PPP2R2B: variants seen among roughly 807,000 people sequenced by gnomAD.
PPP2R2B encodes serine/threonine-protein phosphatase 2A 55 kDa regulatory subunit B beta isoform.
A neutral mutation model predicts 46.0 loss-of-function variants in PPP2R2B; 5 were observed. That is an observed-to-expected ratio of 0.11 (90% CI 0.06 to 0.23). The LOEUF (loss-of-function observed/expected upper bound fraction) is 0.23. Ranked by LOEUF, PPP2R2B falls within the 10% of genes least tolerant of loss-of-function variation. PPP2R2B has a pLI of 1.00. For missense variants in PPP2R2B, 367 were observed against 575.0 expected, an observed-to-expected ratio of 0.64 and a Z score of 3.70; for synonymous variants, 215 against 206.7, an observed-to-expected ratio of 1.04 and a Z score of -0.34.
chr5:146,986,214 G>C (rs1027369107), intron 1 of PPP2R2B, among the ~76,000 whole-genome samples: 4 of 152,026 alleles, frequency 2.6e-5, no homozygotes, highest in African/African-American at 7.2e-5. Flanking sequence ...TATCAGTTTG[G>C]GAGAGAGAGA....
intron 1 of PPP2R2B, among the ~76,000 whole-genome samples, chr5:146,914,033 A>T (rs1582413979): frequency 1.3e-5 from 2 of 152,334 alleles, no homozygotes; most frequent in South Asian, 4.1e-4. Context: ...TTAACTATGT[A>T]TATATGAAAT....
At chr5:146,617,357 G>A (rs1221577942) in intron 7 of PPP2R2B, among the ~76,000 whole-genome samples, 1 of 152,154 alleles carries the variant, frequency 6.6e-6, no homozygotes, top group African/African-American at 2.4e-5. Context: ...AAATAAAGGA[G>A]TATAACCAGA....
At chr5:146,675,824 C>T (rs1391171495) in intron 5 of PPP2R2B, among the ~76,000 whole-genome samples, 1 of 149,326 alleles carries the variant, frequency 6.7e-6, no homozygotes, top group Non-Finnish European at 1.5e-5. Flanking sequence ...AGTCACTTCT[C>T]TCTCTCTCTC....
chr5:146,625,575 A>G (rs1479577230), intron 7 of PPP2R2B, among the ~76,000 whole-genome samples: 1 of 152,116 alleles, frequency 6.6e-6, no homozygotes, highest in Non-Finnish European at 1.5e-5. Context: ...AGAGGTAATT[A>G]AATGTATGGT....
At chr5:146,820,270 A>T (rs933023122) in intron 2 of PPP2R2B, among the ~76,000 whole-genome samples, 2 of 152,256 alleles carry the variant, frequency 1.3e-5, no homozygotes, top group Admixed American at 1.3e-4. Flanking sequence ...TTTGATTATT[A>T]TACATTGTAT....
At chr5:146,786,145 C>T (rs1755825103) in intron 2 of PPP2R2B, among the ~76,000 whole-genome samples, 1 of 151,854 alleles carries the variant, frequency 6.6e-6, no homozygotes, top group African/African-American at 2.4e-5. Context: ...CACATGTACC[C>T]CATAAATATG....
At chr5:146,833,757 C>T (rs1010753662) in intron 2 of PPP2R2B, among the ~76,000 whole-genome samples, 14 of 151,684 alleles carry the variant, frequency 9.2e-5, no homozygotes, top group Non-Finnish European at 1.5e-4. Flanking sequence ...CATCCTCCTC[C>T]CCCACCCCCA....
intron 2 of PPP2R2B, among the ~76,000 whole-genome samples, chr5:146,789,228 G>C (rs928610765): frequency 4.6e-5 from 7 of 152,102 alleles, no homozygotes; most frequent in Admixed American, 1.3e-4. Context: ...GGGTGGAAAG[G>C]CAAGAGAAAA....
intron 1 of PPP2R2B, among the ~76,000 whole-genome samples, chr5:146,956,029 G>A (rs1461307896): frequency 6.6e-6 from 1 of 151,740 alleles, no homozygotes; most frequent in Non-Finnish European, 1.5e-5. Context: ...CACCTACCTC[G>A]GCTTCCCAAA....
chr5:147,041,555 C>T (rs921591761), intron 1 of PPP2R2B, among the ~76,000 whole-genome samples: 1 of 151,800 alleles, frequency 6.6e-6, no homozygotes. Context: ...TTCAGTGGTG[C>T]CATTTTTTTT....
At chr5:146,646,555 G>A (rs554193527) in intron 6 of PPP2R2B, among the ~76,000 whole-genome samples, 9 of 152,108 alleles carry the variant, frequency 5.9e-5, no homozygotes, top group Non-Finnish European at 1.2e-4. Context: ...GTTATCATGA[G>A]GTTTAGAAAT....
exon 1 of PPP2R2B, chr5:147,055,783 C>A (rs1407685354): frequency 6.4e-7 from 1 of 1,563,516 alleles, no homozygotes. Flanking sequence ...AAAAAACAGT[C>A]TCCTGAATCC....
chr5:146,934,440 A>C (rs182011242), intron 1 of PPP2R2B, among the ~76,000 whole-genome samples: 3,195 of 151,670 alleles, frequency 0.021, 37 homozygotes, highest in Non-Finnish European at 0.032. Flanking sequence ...CAGTGATGAT[A>C]AGCATTTTTT....
At chr5:146,728,768 C>T (rs1017592964) in intron 2 of PPP2R2B, among the ~76,000 whole-genome samples, 10 of 152,224 alleles carry the variant, frequency 6.6e-5, no homozygotes, top group East Asian at 5.8e-4. Flanking sequence ...TTTGCTTCTT[C>T]GTCATTTTCT....
chr5:147,010,038 G>A (rs1171627275), intron 1 of PPP2R2B, among the ~76,000 whole-genome samples: 2 of 152,072 alleles, frequency 1.3e-5, no homozygotes, highest in Admixed American at 6.6e-5. Context: ...GCAAAGTGAG[G>A]TGTGCGTACT....
intron 2 of PPP2R2B, among the ~76,000 whole-genome samples, chr5:146,822,679 T>C (rs1210335162): frequency 3.3e-5 from 5 of 152,188 alleles, no homozygotes; most frequent in African/African-American, 9.7e-5. Flanking sequence ...CTCATTTGCT[T>C]TGTGGGTTCT....
At chr5:146,592,035 G>A (rs950813483) in intron 9 of PPP2R2B, 1 of 373,490 alleles carries the variant, frequency 2.7e-6, no homozygotes, top group Non-Finnish European at 5.1e-6. Flanking sequence ...AATAATATAT[G>A]AATAAATAAA....
intron 2 of PPP2R2B, among the ~76,000 whole-genome samples, chr5:146,840,699 A>G (rs1008562619): frequency 5.9e-5 from 9 of 152,242 alleles, no homozygotes; most frequent in African/African-American, 2.2e-4. Flanking sequence ...TATACAAAAC[A>G]AAAATAAACT....
chr5:146,606,930 G>A (rs905770481), intron 7 of PPP2R2B: 1 of 152,156 alleles, frequency 6.6e-6, no homozygotes, highest in Non-Finnish European at 1.5e-5. Context: ...CATGCGCAGG[G>A]CTTTAAATTG....
Sources: gnomAD v4.1 joint callset for allele counts (sites outside exome capture counted in the v4.1 genomes callset) on GRCh38, gnomAD v4.1.1 for gene constraint, MANE v1.5 for transcripts, NCBI Gene and HGNC (gene_info 2026-07-23, HGNC 2026-07-21) for gene names.